MAP3K7CL: variants seen among roughly 807,000 people sequenced by gnomAD.
MAP3K7CL encodes the protein MAP3K7 C-terminal like.
A neutral mutation model predicts 18.6 loss-of-function variants in MAP3K7CL; 16 were observed. The observed-to-expected ratio is 0.86, with a 90% confidence interval of 0.58 to 1.31. The LOEUF is 1.31. Among genes scored for constraint, MAP3K7CL ranks in the 50% most tolerant of loss-of-function variants. The pLI, the probability that MAP3K7CL is intolerant of heterozygous loss-of-function variation, is 0.00. For missense variants in MAP3K7CL, 163 were observed against 174.4 expected (o/e 0.93, Z 0.37); for synonymous variants, 65 against 66.8 (o/e 0.97, Z 0.13).
rs1381913127 is a variant in MAP3K7CL, at chr21:29,107,444, C to A, written c.370+14863C>A. Among the ~76,000 whole-genome samples the A allele has an allele frequency of 5.9e-5, 9 of 152,142 alleles. No homozygotes were observed. The East Asian group carries it at 1.7e-3, about 29-fold the overall frequency. On this transcript the variant is annotated intron_variant, in intron 4 of 6. Transcript: ENST00000286791. Reference sequence around the variant, plus strand: ...GGCAGCCCAAACAAGAGTGATTTCCCTTTTGTGATCCTATTTTGTTTCCGC... The same window carrying A: ...GGCAGCCCAAACAAGAGTGATTTCCATTTTGTGATCCTATTTTGTTTCCGC...
chr21:29,083,829 G>T (rs1373322952), upstream of MAP3K7CL, among the ~76,000 whole-genome samples: 8 of 150,962 alleles, frequency 5.3e-5, no homozygotes, highest in Non-Finnish European at 7.4e-5. Flanking sequence ...GGAATCAGCT[G>T]GGATGTGTGT....
intron 4 of MAP3K7CL, among the ~76,000 whole-genome samples, chr21:29,110,875 A>G (rs1244465656): frequency 1.3e-5 from 2 of 152,142 alleles, no homozygotes; most frequent in Non-Finnish European, 2.9e-5. Context: ...AATATCTTAA[A>G]TCTGAACGTA....
At chr21:29,106,080 A>G (rs1380245704) in intron 4 of MAP3K7CL, among the ~76,000 whole-genome samples, 1 of 152,190 alleles carries the variant, frequency 6.6e-6, no homozygotes, top group Non-Finnish European at 1.5e-5. Flanking sequence ...AGACTGGGGT[A>G]TAAGTAACCT....
intron 4 of MAP3K7CL, among the ~76,000 whole-genome samples, chr21:29,169,918 G>A (rs548810795): frequency 6.6e-6 from 1 of 152,288 alleles, no homozygotes; most frequent in South Asian, 2.1e-4. Flanking sequence ...CTATTGAATG[G>A]CGTCATGTGG....
intron 4 of MAP3K7CL, among the ~76,000 whole-genome samples, chr21:29,098,871 C>A (rs970895060): frequency 1.3e-5 from 2 of 152,180 alleles, no homozygotes; most frequent in African/African-American, 4.8e-5. Flanking sequence ...GCTCATTTAT[C>A]TGGACTTTGC....
At chr21:29,147,863 A>T (rs1232457463) in intron 2 of MAP3K7CL, among the ~76,000 whole-genome samples, 1 of 150,704 alleles carries the variant, frequency 6.6e-6, no homozygotes, top group East Asian at 2.0e-4. Context: ...GTATATCTGT[A>T]CTGTATCTCT....
chr21:29,126,748 C>T (rs768956459), upstream of MAP3K7CL, among the ~76,000 whole-genome samples: 9 of 152,120 alleles, frequency 5.9e-5, no homozygotes, highest in South Asian at 2.1e-4. Context: ...TGTGAGCCAC[C>T]GTGCCTGGCT....
chr21:29,142,128 G>T (rs1486668389), intron 2 of MAP3K7CL, among the ~76,000 whole-genome samples: 1 of 151,910 alleles, frequency 6.6e-6, no homozygotes, highest in East Asian at 1.9e-4. Flanking sequence ...GCAGTAGCAT[G>T]ATCTCTGCTC....
chr21:29,175,143 T>C lies in MAP3K7CL; in HGVS notation c.*251T>C. ...CAGAATTCTTTTCCAAAGATATATG[T>C]TTTTTTCTTTTTTAGGAAGATATGA... is the stretch of plus-strand genomic sequence containing the variant. On this transcript the variant is annotated 3_prime_UTR_variant, in exon 5 of 5. Transcript: ENST00000399928. 3.1e-6 allele frequency: 1 copy of C among 319,736 alleles called. No homozygotes were observed. Among genetic ancestry groups the C allele is most frequent in the East Asian group, 6.1e-5 (1 of 16,350 alleles). 19.8% of individuals were successfully genotyped at this position (319,736 alleles called of 1,614,324 possible).
chr21:29,086,477 A>G (rs2146485383), intron 1 of MAP3K7CL, among the ~76,000 whole-genome samples: 1 of 152,332 alleles, frequency 6.6e-6, no homozygotes, highest in South Asian at 2.1e-4. Context: ...TCTGGGGGAA[A>G]TTAAGGAATG....
upstream of MAP3K7CL, chr21:29,128,288 T>A: frequency 6.6e-6 from 1 of 151,368 alleles, no homozygotes; most frequent in East Asian, 2.0e-4. Flanking sequence ...AGACTTATTC[T>A]AAAAAATTTC....
At chr21:29,088,697 G>GT (rs553812174) in intron 1 of MAP3K7CL, among the ~76,000 whole-genome samples, 2 of 152,302 alleles carry the variant, frequency 1.3e-5, no homozygotes, top group Non-Finnish European at 2.9e-5. Context: ...TATAAAATGA[G>GT]TGTTGGTGAC....
At chr21:29,122,305 C>T (rs551267771) in intron 4 of MAP3K7CL, 4 of 152,260 alleles carry the variant, frequency 2.6e-5, no homozygotes, top group Admixed American at 6.5e-5. Flanking sequence ...GGGGGGTACC[C>T]GTGACCCCTG....
intron 1 of MAP3K7CL, among the ~76,000 whole-genome samples, chr21:29,091,204 C>T (rs1346832063): frequency 6.6e-6 from 1 of 152,138 alleles, no homozygotes; most frequent in African/African-American, 2.4e-5. Context: ...CCTAACCAAA[C>T]CAGCAGAAAA....
At chr21:29,079,245 C>G (rs2085797877) in intron 1 of MAP3K7CL, among the ~76,000 whole-genome samples, 1 of 152,234 alleles carries the variant, frequency 6.6e-6, no homozygotes, top group African/African-American at 2.4e-5. Flanking sequence ...TCTCCATCTT[C>G]TCGTGTTCCA....
upstream of MAP3K7CL, among the ~76,000 whole-genome samples, chr21:29,081,501 C>T (rs2085834319): frequency 6.6e-6 from 1 of 152,240 alleles, no homozygotes; most frequent in Non-Finnish European, 1.5e-5. Context: ...GGCAGTGAGC[C>T]GAGATCGCGC....
At chr21:29,171,315 C>G (rs1003543115) in intron 4 of MAP3K7CL, among the ~76,000 whole-genome samples, 3 of 152,152 alleles carry the variant, frequency 2.0e-5, no homozygotes, top group Non-Finnish European at 4.4e-5. Flanking sequence ...TGTTTATATG[C>G]GTATCAGTGA....
chr21:29,142,989 G>C (rs2087041599), intron 2 of MAP3K7CL, among the ~76,000 whole-genome samples: 1 of 152,182 alleles, frequency 6.6e-6, no homozygotes, highest in Non-Finnish European at 1.5e-5. Context: ...GTTTCTGTAT[G>C]AGCCTCAACA....
intron 4 of MAP3K7CL, among the ~76,000 whole-genome samples, chr21:29,174,043 A>G (rs1349587315): frequency 6.6e-6 from 1 of 152,238 alleles, no homozygotes; most frequent in Non-Finnish European, 1.5e-5. Context: ...AATTATTTAC[A>G]ACTATTAACT....
Sources: gnomAD v4.1 joint callset for allele counts (sites outside exome capture counted in the v4.1 genomes callset) on GRCh38, gnomAD v4.1.1 for gene constraint, MANE v1.5 for transcripts, NCBI Gene and HGNC (gene_info 2026-07-23, HGNC 2026-07-21) for gene names.